Variants in RAB27A observed in about 807,000 individuals in gnomAD.
RAB27A encodes the protein RAB27A, member RAS oncogene family.
RAB27A carries 17 observed loss-of-function variants against 20.8 expected under a neutral mutation model. That is an observed-to-expected ratio of 0.82 (90% CI 0.56 to 1.23). The LOEUF is 1.23. RAB27A is among the 50% of genes most tolerant of loss of function. The pLI, the probability that RAB27A is intolerant of heterozygous loss-of-function variation, is 0.00. For synonymous variants in RAB27A, 85 were observed against 92.8 expected (o/e 0.92, Z 0.48); for missense variants, 277 against 266.7 (o/e 1.04, Z -0.27).
At chr15:55,248,434 G>T (rs1432110569) in intron 2 of RAB27A, among the ~76,000 whole-genome samples, 3 of 152,142 alleles carry the variant, frequency 2.0e-5, no homozygotes, top group Non-Finnish European at 4.4e-5. Context: ...ACACTGAGTT[G>T]CTATATCAAC....
chr15:55,299,906 C>T (rs1341355757), intron 2 of RAB27A, among the ~76,000 whole-genome samples: 4 of 151,436 alleles, frequency 2.6e-5, no homozygotes, highest in African/African-American at 7.3e-5. Flanking sequence ...CTGCAAGCTC[C>T]GCCTCCTGGG....
Position 55,214,419 on chromosome 15 carries a change from G to C in RAB27A, c.468-8714C>G, listed in dbSNP as rs201245164. Among the ~76,000 whole-genome samples the C allele has an allele frequency of 5.3e-5, 8 of 152,340 alleles. No homozygotes were observed. The East Asian group carries it at 1.5e-3, about 29-fold the overall frequency. On this transcript the variant is annotated intron_variant, in intron 6 of 6. Coordinates refer to ENST00000336787, the MANE Select transcript of RAB27A (RefSeq NM_183235.3). ...CCACTGCACTCCAGCCTGGGCGACAGAGCGAGACTCCGTCTCAAAACAACA... is the reference window on the plus strand; with the variant it reads ...CCACTGCACTCCAGCCTGGGCGACACAGCGAGACTCCGTCTCAAAACAACA...
At chr15:55,309,277 G>C (rs1392663115) in intron 2 of RAB27A, among the ~76,000 whole-genome samples, 1 of 152,210 alleles carries the variant, frequency 6.6e-6, no homozygotes, top group Non-Finnish European at 1.5e-5. Context: ...GTATAGGCTG[G>C]ATATGTTCCT....
chr15:55,258,722 CA>C (rs1379654332), intron 2 of RAB27A, among the ~76,000 whole-genome samples: 1 of 152,238 alleles, frequency 6.6e-6, no homozygotes, highest in Non-Finnish European at 1.5e-5. Flanking sequence ...TCTAAATTCA[CA>C]TTTCTCTGAG....
chr15:55,274,954 TA>T (rs2141108214), intron 1 of RAB27A, among the ~76,000 whole-genome samples: 1 of 150,092 alleles, frequency 6.7e-6, no homozygotes, highest in South Asian at 2.1e-4. Context: ...TAATAAGAGA[TA>T]CTCTAAATAA....
At chr15:55,247,829 T>C (rs1388170105) in intron 2 of RAB27A, among the ~76,000 whole-genome samples, 2 of 151,578 alleles carry the variant, frequency 1.3e-5, no homozygotes, top group East Asian at 3.9e-4. Flanking sequence ...AGAATATGAG[T>C]ACCATCAATT....
chr15:55,206,900 C>T (rs1019101911), intron 6 of RAB27A, among the ~76,000 whole-genome samples: 4 of 151,692 alleles, frequency 2.6e-5, no homozygotes, highest in Admixed American at 1.3e-4. Context: ...AGCGACAGGC[C>T]GAAATACATG....
chr15:55,301,543 C>T (rs2054972023), intron 2 of RAB27A, among the ~76,000 whole-genome samples: 1 of 150,994 alleles, frequency 6.6e-6, no homozygotes, highest in Non-Finnish European at 1.5e-5. Context: ...CAATAAAGTT[C>T]ACCCTTTAAA....
chr15:55,283,570 T>A (rs1012904562), intron 1 of RAB27A, among the ~76,000 whole-genome samples: 2 of 152,194 alleles, frequency 1.3e-5, no homozygotes, highest in African/African-American at 2.4e-5. Flanking sequence ...AGTATTTGAC[T>A]GTGAGGACAA....
At chr15:55,317,892 G>A (rs551118119) in intron 1 of RAB27A, 2 of 390,764 alleles carry the variant, frequency 5.1e-6, no homozygotes, top group Non-Finnish European at 9.0e-6. Flanking sequence ...GGAAAGCAAA[G>A]CCATCACTTA....
rs188077669 is a variant in RAB27A, at chr15:55,272,549, T to C, written c.-142-2265A>G. 1.4e-3 allele frequency among the ~76,000 whole-genome samples: 207 copies of C among 152,334 alleles called. 1 individual carries two copies. Among genetic ancestry groups the C allele is most frequent in the African/African-American group, 4.6e-3 (191 of 41,584 alleles). On this transcript the variant is annotated intron_variant, in intron 1 of 6. Transcript: ENST00000336787. ...GCAAGTAAAATTATGACAATACCAATTTTCATAGTCTGCTTAAAGCAACAA... is the reference window on the plus strand; with the variant it reads ...GCAAGTAAAATTATGACAATACCAACTTTCATAGTCTGCTTAAAGCAACAA...
At chr15:55,275,570 G>A (rs1188148207) in intron 1 of RAB27A, among the ~76,000 whole-genome samples, 1 of 151,946 alleles carries the variant, frequency 6.6e-6, no homozygotes, top group Non-Finnish European at 1.5e-5. Flanking sequence ...AGGTTGCAGT[G>A]AGCAGAGGTT....
At chr15:55,305,799 A>C (rs2054994152) in intron 2 of RAB27A, among the ~76,000 whole-genome samples, 1 of 152,202 alleles carries the variant, frequency 6.6e-6, no homozygotes, top group South Asian at 2.1e-4. Flanking sequence ...TGACCAGGGA[A>C]TCGGCGACCT....
intron 2 of RAB27A, among the ~76,000 whole-genome samples, chr15:55,254,382 T>C (rs891156184): frequency 7.9e-5 from 12 of 152,200 alleles, no homozygotes; most frequent in African/African-American, 1.4e-4. Context: ...TCTATTTTCC[T>C]AGATATATCA....
At chr15:55,264,222 T>G (rs1057124165) in intron 2 of RAB27A, among the ~76,000 whole-genome samples, 4 of 152,082 alleles carry the variant, frequency 2.6e-5, no homozygotes, top group African/African-American at 9.7e-5. Flanking sequence ...GGTTAATTTT[T>G]CTATTTTTAG....
chr15:55,235,760 A>G (rs909156503), intron 2 of RAB27A, among the ~76,000 whole-genome samples: 2 of 152,242 alleles, frequency 1.3e-5, no homozygotes, highest in Non-Finnish European at 2.9e-5. Context: ...ATGAGTAGAT[A>G]AAGAAATTGT....
chr15:55,265,509 CAT>C (rs902436593), intron 2 of RAB27A, among the ~76,000 whole-genome samples: 15 of 152,202 alleles, frequency 9.9e-5, no homozygotes, highest in African/African-American at 3.6e-4. Flanking sequence ...CTTTACCTCA[CAT>C]GTCAGCCAAA....
intron 1 of RAB27A, among the ~76,000 whole-genome samples, chr15:55,285,381 T>A (rs1566936278): frequency 6.6e-6 from 1 of 151,732 alleles, no homozygotes; most frequent in Non-Finnish European, 1.5e-5. Context: ...GCATCTAATT[T>A]TACTTGACAA....
chr15:55,288,136 A>G (rs1322614698), intron 1 of RAB27A, among the ~76,000 whole-genome samples: 1 of 152,226 alleles, frequency 6.6e-6, no homozygotes. Flanking sequence ...TAAAAACTAT[A>G]AAACTTTTAG....
Sources: gnomAD v4.1 joint callset for allele counts (sites outside exome capture counted in the v4.1 genomes callset) on GRCh38, gnomAD v4.1.1 for gene constraint, MANE v1.5 for transcripts, NCBI Gene and HGNC (gene_info 2026-07-23, HGNC 2026-07-21) for gene names.